Variants in SYNPO observed in about 807,000 individuals in gnomAD.
SYNPO encodes synaptopodin.
A neutral mutation model predicts 49.5 loss-of-function variants in SYNPO; 19 were observed. The observed-to-expected ratio is 0.38, with a 90% CI of 0.27 to 0.56. The LOEUF is 0.56. Among genes scored for constraint, SYNPO ranks in the 20% least tolerant of loss-of-function variants. SYNPO has a pLI of 0.68. For missense variants in SYNPO, 1,131 were observed against 1,248.3 expected (o/e 0.91, Z 1.42); for synonymous variants, 536 against 548.0 (o/e 0.98, Z 0.31).
intron 1 of SYNPO, among the ~76,000 whole-genome samples, chr5:150,610,224 C>T (rs1756809733): frequency 6.6e-6 from 1 of 152,176 alleles, no homozygotes; most frequent in South Asian, 2.1e-4. Context: ...CAGGCCCAGG[C>T]TTGTCATTGT....
upstream of SYNPO, among the ~76,000 whole-genome samples, chr5:150,639,837 G>T (rs1388860717): frequency 2.6e-5 from 4 of 152,246 alleles, no homozygotes. Flanking sequence ...AGCAGTAGAG[G>T]CCCCTGCCCT....
rs555247602 is a variant in SYNPO at position 150,628,133 on chromosome 5, G to A, written c.400+9366G>A. Among the ~76,000 whole-genome samples, 204 of 152,094 alleles carry A rather than the reference G, an allele frequency of 1.3e-3. 1 individual carries two copies. Among genetic ancestry groups the A allele is most frequent in the African/African-American group, 4.7e-3 (194 of 41,474 alleles). On this transcript the variant is annotated intron_variant, in intron 2 of 2. Coordinates refer to the SYNPO transcript ENST00000394243. ...ATTGCTACCCAGTGTGGCCAGAGGA[G>A]GAGTCAACATGGAAGCAGCCTGTAG...
At position 150,649,051 on chromosome 5, in the gene SYNPO, T is replaced by C. The variant is rs149502965; in HGVS notation, c.776T>C (p.Met259Thr). Residue 259 changes from methionine (M) to threonine (T), a missense_variant, in exon 2 of 3, where the codon ATG becomes ACG. Around this residue, in one of 4 missense-constraint regions of SYNPO, gnomAD observed 602 missense variants for 720.7 expected, o/e 0.84. Transcript: ENST00000307662. ...ACCAGCCAGATGGAGAGGAGCCCCA[T>C]GCTAGAGAGACGACATTTTGGGGAG... Reference protein sequence around the residue: ...GGTSQMERSPMLERRHFGEKA... With the variant: ...GGTSQMERSPTLERRHFGEKA... 1.0e-4 allele frequency: 165 copies of C among 1,613,962 alleles called. No individual in the cohort carries two copies. The Middle Eastern group carries it at 1.5e-3, about 14-fold the overall frequency.
At chr5:150,650,477 T>G in intron 2 of SYNPO, 174 bp downstream of exon 2, 1 of 1,509,590 alleles carries the variant, frequency 6.6e-7, no homozygotes, top group Non-Finnish European at 8.9e-7. Flanking sequence ...ACCAGCTGGC[T>G]TTGTGACCTT....
intron 2 of SYNPO, chr5:150,652,082 C>G: frequency 1.0e-6 from 1 of 1,000,168 alleles, no homozygotes; most frequent in Non-Finnish European, 1.2e-6. Flanking sequence ...TCCATGGGAA[C>G]AGGGGTGCCT....
chr5:150,624,419 T>A (rs1489396222), intron 2 of SYNPO, among the ~76,000 whole-genome samples: 1 of 152,076 alleles, frequency 6.6e-6, no homozygotes, highest in Non-Finnish European at 1.5e-5. Context: ...ACAAAGAAAC[T>A]GTCTCCCTCC....
intron 1 of SYNPO, among the ~76,000 whole-genome samples, chr5:150,643,774 C>T (rs1441951707): frequency 1.3e-5 from 2 of 152,038 alleles, no homozygotes; most frequent in East Asian, 3.9e-4. Flanking sequence ...ACCTCGTGAT[C>T]CACCTGCCTT....
At position 150,649,381 on chromosome 5, in the gene SYNPO, A is replaced by C; in HGVS notation, c.1106A>C (p.Glu369Ala). Reference protein sequence around the residue: ...VPASKTGILEESMARRGSRKS... With the variant: ...VPASKTGILEASMARRGSRKS... ...GCCAGCAAGACGGGCATTCTGGAGGAGTCGATGGCCCGCCGGGGCAGCCGC... is the reference window on the plus strand; with the variant it reads ...GCCAGCAAGACGGGCATTCTGGAGGCGTCGATGGCCCGCCGGGGCAGCCGC... The change falls in exon 2 of 3, where the codon GAG becomes GCG. Residue 369 changes from glutamate (E) to alanine (A), a missense_variant. Transcript: ENST00000307662. 1 of 1,614,114 alleles carries C rather than the reference A, an allele frequency of 6.2e-7. No individual in the cohort carries two copies. Among genetic ancestry groups the C allele is most frequent in the Non-Finnish European group, 8.5e-7 (1 of 1,180,018 alleles).
intron 2 of SYNPO, among the ~76,000 whole-genome samples, chr5:150,654,896 C>T (rs1203934869): frequency 6.6e-6 from 1 of 152,156 alleles, no homozygotes; most frequent in African/African-American, 2.4e-5. Flanking sequence ...GAGGCTGAGG[C>T]GGGCGGATCA....
chr5:150,639,213 T>C (rs1473414961), upstream of SYNPO, among the ~76,000 whole-genome samples: 1 of 152,256 alleles, frequency 6.6e-6, no homozygotes. Flanking sequence ...TTGCGCTGAC[T>C]GTGGAGCCCT....
intron 2 of SYNPO, among the ~76,000 whole-genome samples, chr5:150,654,971 C>T (rs1191099812): frequency 1.3e-5 from 2 of 152,098 alleles, no homozygotes; most frequent in African/African-American, 4.8e-5. Flanking sequence ...ACTAAAAATA[C>T]AAAATTAGCC....
At chr5:150,626,491 C>T (rs1420097640) in intron 2 of SYNPO, among the ~76,000 whole-genome samples, 1 of 152,194 alleles carries the variant, frequency 6.6e-6, no homozygotes, top group Admixed American at 6.5e-5. Flanking sequence ...CAGGCCTGCC[C>T]CGTCTTTGCA....
chr5:150,616,011 AG>A (rs1323670667), intron 1 of SYNPO, among the ~76,000 whole-genome samples: 1 of 152,240 alleles, frequency 6.6e-6, no homozygotes, highest in Non-Finnish European at 1.5e-5. Flanking sequence ...GGGGGGCAGA[AG>A]GTGGGCTTCT....
intron 2 of SYNPO, among the ~76,000 whole-genome samples, chr5:150,620,977 G>A (rs1318693714): frequency 1.3e-5 from 1 of 78,140 alleles, no homozygotes; most frequent in African/African-American, 5.1e-5. Flanking sequence ...TTTTGAGATG[G>A]TATTTTGCTC....
At chr5:150,604,994 T>C (rs937108760) in intron 1 of SYNPO, among the ~76,000 whole-genome samples, 1 of 152,188 alleles carries the variant, frequency 6.6e-6, no homozygotes, top group Non-Finnish European at 1.5e-5. Flanking sequence ...CACGTCTGTG[T>C]TTCCTCATCT....
At chr5:150,599,892 G>T (rs1756490782), upstream of SYNPO, among the ~76,000 whole-genome samples, 1 of 152,182 alleles carries the variant, frequency 6.6e-6, no homozygotes, top group Non-Finnish European at 1.5e-5. Context: ...AGAAGGGATT[G>T]AATTCTAACA....
intron 1 of SYNPO, among the ~76,000 whole-genome samples, chr5:150,603,460 T>C (rs1336818526): frequency 2.6e-5 from 4 of 152,242 alleles, no homozygotes; most frequent in African/African-American, 9.6e-5. Context: ...CTCACCCTCC[T>C]CCCTTTCTGC....
chr5:150,656,737 G>GCGCCAC lies in SYNPO; in HGVS notation c.2367_2372dup (p.Pro799_Pro800dup), dbSNP rs747545051. The GCGCCAC allele has an allele frequency of 2.0e-5, 26 of 1,285,250 alleles. No individual in the cohort carries two copies. Among genetic ancestry groups the GCGCCAC allele is most frequent in the Non-Finnish European group, 2.3e-5 (24 of 1,022,298 alleles). The allele number at this position is 1,285,250 out of a possible 1,614,324, so 79.6% of individuals were successfully genotyped here. ...CCCGCGGCCCTTCTCCCCGCCGAGG[G>GCGCCAC]CGCCACCGCCCCCGCCCCCGCCCCC... On this transcript the variant is annotated inframe_insertion, in exon 3 of 3. Transcript: ENST00000307662.
chr5:150,619,200 G>A (rs1347347713), intron 2 of SYNPO, among the ~76,000 whole-genome samples: 3 of 152,080 alleles, frequency 2.0e-5, no homozygotes, highest in Non-Finnish European at 2.9e-5. Context: ...TGGACCAAAC[G>A]GATGTGGTTG....
Sources: gnomAD v4.1 joint callset for allele counts (sites outside exome capture counted in the v4.1 genomes callset) on GRCh38, gnomAD v4.1.1 for gene constraint, gnomAD v4.1.1 regional missense constraint, MANE v1.5 for transcripts, NCBI Gene and HGNC (gene_info 2026-07-23, HGNC 2026-07-21) for gene names.